MAGI2: variants seen among roughly 807,000 people sequenced by gnomAD.
The protein encoded by MAGI2 is membrane associated guanylate kinase, WW and PDZ domain containing 2, also known as membrane-associated guanylate kinase, WW and PDZ domain-containing protein 2.
A neutral mutation model predicts 133.3 loss-of-function variants in MAGI2; 35 were observed. The observed-to-expected ratio is 0.26, with a 90% confidence interval of 0.20 to 0.35. The LOEUF is 0.35. Among genes scored for constraint, MAGI2 ranks in the 10% least tolerant of loss-of-function variants. The pLI is 1.00. For missense variants in MAGI2, 1,636 were observed against 1,863.4 expected (o/e 0.88, Z 2.25); for synonymous variants, 729 against 710.6 (o/e 1.03, Z -0.41).
chr7:78,562,195 C>T (rs777456426), intron 3 of MAGI2, among the ~76,000 whole-genome samples: 6 of 152,184 alleles, frequency 3.9e-5, no homozygotes, highest in Non-Finnish European at 7.3e-5. Flanking sequence ...AAAATCATCA[C>T]TATGAGAGCA....
At chr7:79,162,546 C>T (rs1824471294) in intron 1 of MAGI2, among the ~76,000 whole-genome samples, 2 of 152,036 alleles carry the variant, frequency 1.3e-5, no homozygotes, top group African/African-American at 4.8e-5. Flanking sequence ...GCCTAAACAG[C>T]TGGTAAGACA....
chr7:78,874,963 A>G (rs570627139), intron 2 of MAGI2, among the ~76,000 whole-genome samples: 5 of 152,180 alleles, frequency 3.3e-5, no homozygotes. Context: ...GCAAGCAGAA[A>G]TCAGAGATTT....
intron 2 of MAGI2, among the ~76,000 whole-genome samples, chr7:78,773,815 TG>T (rs1252833473): frequency 6.6e-6 from 1 of 152,242 alleles, no homozygotes; most frequent in Admixed American, 6.5e-5. Flanking sequence ...CCAAGGAATT[TG>T]TGCTTCATCT....
At chr7:78,027,139 T>G (rs1013611543) in intron 21 of MAGI2, among the ~76,000 whole-genome samples, 1 of 152,188 alleles carries the variant, frequency 6.6e-6, no homozygotes, top group African/African-American at 2.4e-5. Context: ...CTGAATGTCT[T>G]TACTGTCTGC....
chr7:79,402,902 T>C (rs1041044484), intron 1 of MAGI2, among the ~76,000 whole-genome samples: 21 of 152,204 alleles, frequency 1.4e-4, no homozygotes, highest in African/African-American at 4.8e-4. Context: ...TTGTTCAAAC[T>C]TTGGTTCTAC....
rs1809047116 is a variant in MAGI2 at position 78,631,911 on chromosome 7, T to C, written c.419-4672A>G. 2.0e-5 allele frequency among the ~76,000 whole-genome samples: 3 copies of C among 152,216 alleles called. No homozygotes were observed. The South Asian group carries it at 6.2e-4, about 32-fold the overall frequency. On this transcript the variant is annotated intron_variant, in intron 2 of 21. Transcript: ENST00000354212. ...AGCAAGGTTCTCCACCTCTGTAAAC[T>C]CTAGTTTTCTTATCTGTAAAATGGG...
intron 2 of MAGI2, among the ~76,000 whole-genome samples, chr7:78,749,933 C>T (rs977890587): frequency 1.4e-4 from 21 of 152,036 alleles, no homozygotes; most frequent in Admixed American, 1.2e-3. Context: ...GTGCAGAACA[C>T]GGAGGCTTGT....
At chr7:78,909,131 A>C (rs551698810) in intron 2 of MAGI2, among the ~76,000 whole-genome samples, 17 of 151,210 alleles carry the variant, frequency 1.1e-4, no homozygotes, top group African/African-American at 2.4e-4. Context: ...AAAAAAAAAA[A>C]CCCCATCAAA....
chr7:79,311,353 C>T (rs772255094), intron 1 of MAGI2, among the ~76,000 whole-genome samples: 2 of 152,154 alleles, frequency 1.3e-5, no homozygotes, highest in Non-Finnish European at 2.9e-5. Flanking sequence ...ACATAAATCA[C>T]CAAAAAATTC....
At chr7:78,712,909 T>C (rs891344156) in intron 2 of MAGI2, among the ~76,000 whole-genome samples, 11 of 152,134 alleles carry the variant, frequency 7.2e-5, no homozygotes, top group Admixed American at 4.6e-4. Flanking sequence ...TAAATAATTT[T>C]AGTGTGAATG....
At chr7:79,236,074 A>T (rs558642116) in intron 1 of MAGI2, among the ~76,000 whole-genome samples, 6 of 152,368 alleles carry the variant, frequency 3.9e-5, no homozygotes, top group African/African-American at 1.4e-4. Context: ...TATTAGAAAA[A>T]GACTAGCTTT....
intron 2 of MAGI2, among the ~76,000 whole-genome samples, chr7:78,874,794 A>T (rs1795292689): frequency 6.6e-6 from 1 of 152,206 alleles, no homozygotes; most frequent in African/African-American, 2.4e-5. Context: ...ACACAAAGAA[A>T]TTATAAATGG....
Position 78,019,250 on chromosome 7 carries a change from C to T in MAGI2, c.*65G>A. The T allele has an allele frequency of 6.5e-7, 1 of 1,547,090 alleles. No individual in the cohort carries two copies. Among genetic ancestry groups the T allele is most frequent in the Non-Finnish European group, 8.7e-7 (1 of 1,147,312 alleles). Reference sequence around the variant, plus strand: ...TGACAGTGAAAATAAATTAAAACGCCGTGAGACGGAACCTAAGAAGAACTG... The same window carrying T: ...TGACAGTGAAAATAAATTAAAACGCTGTGAGACGGAACCTAAGAAGAACTG... On this transcript the variant is annotated 3_prime_UTR_variant, in exon 22 of 22. Coordinates refer to ENST00000354212, the MANE Select transcript of MAGI2 (RefSeq NM_012301.4).
intron 16 of MAGI2, among the ~76,000 whole-genome samples, chr7:78,144,617 T>A (rs1451010026): frequency 1.3e-5 from 2 of 152,190 alleles, no homozygotes; most frequent in Non-Finnish European, 2.9e-5. Flanking sequence ...GTTAAAATCA[T>A]CAATTTAATT....
intron 1 of MAGI2, among the ~76,000 whole-genome samples, chr7:79,044,318 C>A (rs1811971645): frequency 6.6e-6 from 1 of 151,994 alleles, no homozygotes; most frequent in Admixed American, 6.6e-5. Flanking sequence ...ATAAACAGAA[C>A]TAAAAACAAA....
At chr7:78,952,973 G>C (rs1801997674) in intron 2 of MAGI2, among the ~76,000 whole-genome samples, 1 of 152,154 alleles carries the variant, frequency 6.6e-6, no homozygotes, top group Non-Finnish European at 1.5e-5. Flanking sequence ...ACCTACTAAA[G>C]TGAAATATTT....
At chr7:79,033,321 C>G (rs1014490684) in intron 1 of MAGI2, among the ~76,000 whole-genome samples, 6 of 152,152 alleles carry the variant, frequency 3.9e-5, no homozygotes, top group African/African-American at 9.7e-5. Context: ...ATTTGGTCAC[C>G]TATGTGAAGG....
At chr7:78,188,992 C>T (rs150277605) in intron 12 of MAGI2, among the ~76,000 whole-genome samples, 8 of 152,166 alleles carry the variant, frequency 5.3e-5, no homozygotes, top group East Asian at 1.9e-4. Flanking sequence ...GAGATTCAAG[C>T]GGTGTTCTGT....
chr7:78,032,610 C>T (rs1809709703), intron 21 of MAGI2, among the ~76,000 whole-genome samples: 1 of 152,086 alleles, frequency 6.6e-6, no homozygotes, highest in Admixed American at 6.6e-5. Context: ...CTCCATGGAC[C>T]TTACTATCAA....
Sources: allele counts gnomAD v4.1 joint callset (sites outside exome capture counted in the v4.1 genomes callset), GRCh38; gene constraint gnomAD v4.1.1; transcripts MANE v1.5; gene names NCBI Gene and HGNC (gene_info 2026-07-23, HGNC 2026-07-21).